Variants in DCC observed in about 807,000 individuals in gnomAD.
The protein encoded by DCC is netrin receptor DCC.
In DCC, 58 loss-of-function variants were observed where a neutral mutation model predicts 172.5. The ratio of observed to expected loss-of-function variants is 0.34; its 90% CI spans 0.27 to 0.42. The LOEUF is 0.42. Among genes scored for constraint, DCC ranks in the 10% least tolerant of loss-of-function variants. The pLI is 1.00. For synonymous variants in DCC, 709 were observed against 644.5 expected, an observed-to-expected ratio of 1.10 and a Z score of -1.52; for missense variants, 1,740 against 1,791.0, an observed-to-expected ratio of 0.97 and a Z score of 0.51.
intron 1 of DCC, among the ~76,000 whole-genome samples, chr18:52,365,882 A>G (rs1598865080): frequency 6.6e-6 from 1 of 152,170 alleles, no homozygotes; most frequent in Admixed American, 6.5e-5. Flanking sequence ...TGTTCCAATA[A>G]AGCATTATTT....
At chr18:52,846,647 A>ACACACACACT (rs745471962) in intron 2 of DCC, among the ~76,000 whole-genome samples, 6 of 144,076 alleles carry the variant, frequency 4.2e-5, no homozygotes, top group African/African-American at 1.5e-4. Context: ...ACACACACAC[A>ACACACACACT]CACACTTGGG....
intron 8 of DCC, among the ~76,000 whole-genome samples, chr18:53,160,915 C>T (rs762766908): frequency 6.6e-6 from 1 of 152,122 alleles, no homozygotes; most frequent in African/African-American, 2.4e-5. Context: ...ACTGCCTGTA[C>T]TCTTTAAAGC....
intron 15 of DCC, among the ~76,000 whole-genome samples, chr18:53,353,632 A>C (rs11874299): frequency 0.27 from 40,726 of 151,968 alleles, 6,239 homozygotes; most frequent in African/African-American, 0.41. Context: ...AAAAAGTTTT[A>C]AGTTTGCTAT....
At chr18:52,406,666 G>T (rs1986663234) in intron 1 of DCC, among the ~76,000 whole-genome samples, 1 of 151,942 alleles carries the variant, frequency 6.6e-6, no homozygotes, top group Non-Finnish European at 1.5e-5. Flanking sequence ...ACTTCTTACT[G>T]TCTCTCTGTT....
chr18:52,503,797 C>T (rs1286818195), intron 1 of DCC, among the ~76,000 whole-genome samples: 2 of 152,078 alleles, frequency 1.3e-5, no homozygotes, highest in African/African-American at 4.8e-5. Flanking sequence ...CACTTATGGT[C>T]ACTTGAAGAA....
At chr18:52,710,112 G>A (rs1299969161) in intron 1 of DCC, among the ~76,000 whole-genome samples, 1 of 152,218 alleles carries the variant, frequency 6.6e-6, no homozygotes, top group Non-Finnish European at 1.5e-5. Flanking sequence ...CATCATTAGA[G>A]ATATGTGTAA....
At chr18:53,295,464 T>C (rs1428347584) in intron 12 of DCC, among the ~76,000 whole-genome samples, 2 of 152,156 alleles carry the variant, frequency 1.3e-5, no homozygotes, top group Non-Finnish European at 2.9e-5. Flanking sequence ...AATAGAATTT[T>C]TTCATAGATA....
At chr18:53,429,474 A>T (rs530643202) in intron 21 of DCC, among the ~76,000 whole-genome samples, 1 of 151,954 alleles carries the variant, frequency 6.6e-6, no homozygotes, top group Non-Finnish European at 1.5e-5. Flanking sequence ...TTATTATCTT[A>T]GTTTTGAATT....
At chr18:53,047,288 AAT>A (rs2042258045) in intron 5 of DCC, among the ~76,000 whole-genome samples, 3 of 15,190 alleles carry the variant, frequency 2.0e-4, no homozygotes, top group African/African-American at 5.5e-4. Flanking sequence ...ATATATATAT[AAT>A]TTTATATATA....
At chr18:53,321,332 T>A (rs1390169707) in intron 13 of DCC, among the ~76,000 whole-genome samples, 1 of 152,208 alleles carries the variant, frequency 6.6e-6, no homozygotes, top group Non-Finnish European at 1.5e-5. Flanking sequence ...TAATTTATCA[T>A]GTTAATGAGC....
chr18:52,831,468 T>G (rs1397412695), intron 2 of DCC, among the ~76,000 whole-genome samples: 1 of 152,058 alleles, frequency 6.6e-6, no homozygotes, highest in Non-Finnish European at 1.5e-5. Flanking sequence ...CAATCCAGTT[T>G]AGAGAGGATG....
At position 53,210,494 on chromosome 18, in the gene DCC, G is replaced by T. The variant is rs73461563; in HGVS notation, c.1861+2677G>T. On this transcript the variant is annotated intron_variant, in intron 11 of 28. Coordinates refer to ENST00000442544, the MANE Select transcript of DCC (RefSeq NM_005215.4). ...AATATTAAATACCCCTAAATATGAA[G>T]GATGCTGTTATATTCACCTCTGTTT... Among the ~76,000 whole-genome samples the T allele has an allele frequency of 1.8e-3, 267 of 152,162 alleles. 2 individuals are homozygous for T. The highest frequency in any genetic ancestry group is 6.3e-3 in the African/African-American group (262 of 41,510).
chr18:52,962,276 C>T (rs1441154049), intron 5 of DCC, among the ~76,000 whole-genome samples: 2,019 of 151,760 alleles, frequency 0.013, 56 homozygotes, highest in African/African-American at 0.047. Context: ...AAAACAACCC[C>T]ATCAAAAAGT....
intron 12 of DCC, among the ~76,000 whole-genome samples, chr18:53,241,796 C>G (rs955328611): frequency 6.6e-6 from 1 of 152,132 alleles, no homozygotes; most frequent in African/African-American, 2.4e-5. Flanking sequence ...CAGGTTCCCT[C>G]TGTGTGATCT....
At chr18:52,785,216 C>A (rs28624269) in intron 2 of DCC, among the ~76,000 whole-genome samples, 8,034 of 152,054 alleles carry the variant, frequency 0.053, 283 homozygotes, top group South Asian at 0.16. Context: ...ACATGGCTGA[C>A]AAAGAGAAGG....
At chr18:52,794,971 C>CAA (rs2037844831) in intron 2 of DCC, among the ~76,000 whole-genome samples, 1 of 151,992 alleles carries the variant, frequency 6.6e-6, no homozygotes, top group South Asian at 2.1e-4. Context: ...ATCCCTGAGA[C>CAA]AAATCCCCCT....
At chr18:53,021,623 G>A (rs947217024) in intron 5 of DCC, among the ~76,000 whole-genome samples, 1 of 152,028 alleles carries the variant, frequency 6.6e-6, no homozygotes, top group Non-Finnish European at 1.5e-5. Flanking sequence ...AGGATAAATT[G>A]TACACTTATA....
chr18:53,060,616 T>C (rs747747099), intron 5 of DCC, among the ~76,000 whole-genome samples: 87 of 152,168 alleles, frequency 5.7e-4, no homozygotes, highest in Non-Finnish European at 2.9e-4. Context: ...ATTACAACTA[T>C]AATAATACGG....
At chr18:53,491,404 C>A (rs2045958265) in intron 26 of DCC, among the ~76,000 whole-genome samples, 1 of 152,068 alleles carries the variant, frequency 6.6e-6, no homozygotes, top group Non-Finnish European at 1.5e-5. Context: ...GGTACATGTG[C>A]AGAATGTACA....
Sources: gnomAD v4.1 joint callset for allele counts (sites outside exome capture counted in the v4.1 genomes callset) on GRCh38, gnomAD v4.1.1 for gene constraint, MANE v1.5 for transcripts, NCBI Gene and HGNC (gene_info 2026-07-23, HGNC 2026-07-21) for gene names.